Variants in AFG2A observed in about 807,000 individuals in gnomAD.
AFG2A encodes AAA ATPase AFG2A.
the AFG2A span, among the ~76,000 whole-genome samples, chr4:123,271,729 C>T: frequency 1.3e-5 from 2 of 152,082 alleles, no homozygotes; most frequent in African/African-American, 4.8e-5. Flanking sequence ...TGCTTGAGAC[C>T]CATTGTTCAC....
the AFG2A span, among the ~76,000 whole-genome samples, chr4:123,214,844 A>G: frequency 6.6e-6 from 1 of 151,968 alleles, no homozygotes; most frequent in Admixed American, 6.6e-5. Context: ...TCACTTTATT[A>G]TAAGAATACA....
the AFG2A span, among the ~76,000 whole-genome samples, chr4:122,983,855 T>C: frequency 6.6e-6 from 1 of 152,198 alleles, no homozygotes; most frequent in Non-Finnish European, 1.5e-5. Context: ...GTAGACTTGC[T>C]GGGTGGCTAG....
chr4:123,280,217 C>G, the AFG2A span, among the ~76,000 whole-genome samples: 1 of 151,958 alleles, frequency 6.6e-6, no homozygotes, highest in Non-Finnish European at 1.5e-5. Flanking sequence ...AGTAATACTT[C>G]ATTACTATGA....
chr4:123,167,627 G>C, the AFG2A span, among the ~76,000 whole-genome samples: 1 of 152,168 alleles, frequency 6.6e-6, no homozygotes, highest in Non-Finnish European at 1.5e-5. Flanking sequence ...GATTACAGGC[G>C]TGAGCCACTG....
the AFG2A span, among the ~76,000 whole-genome samples, chr4:123,269,947 G>T: frequency 6.6e-6 from 1 of 152,112 alleles, no homozygotes. Flanking sequence ...CTCCGGAGTG[G>T]CTGGGACTAC....
the AFG2A span, chr4:123,256,628 A>G: frequency 1.1e-6 from 1 of 891,234 alleles, no homozygotes; most frequent in Non-Finnish European, 1.3e-6. Flanking sequence ...CAAAGCAAAC[A>G]GATTGTATCA....
the AFG2A span, among the ~76,000 whole-genome samples, chr4:123,076,827 A>G: frequency 3.9e-5 from 6 of 151,978 alleles, no homozygotes; most frequent in South Asian, 2.1e-4. Context: ...TCTACTATCT[A>G]CTGAGCTCAG....
the AFG2A span, among the ~76,000 whole-genome samples, chr4:123,279,497 AG>A: frequency 1.3e-5 from 2 of 152,192 alleles, no homozygotes; most frequent in African/African-American, 4.8e-5. Context: ...TAAATAACTC[AG>A]TTTCTGAAAT....
At chr4:122,960,792 C>T in the AFG2A span, among the ~76,000 whole-genome samples, 1 of 151,848 alleles carries the variant, frequency 6.6e-6, no homozygotes, top group South Asian at 2.1e-4. Flanking sequence ...CTCATTTGTC[C>T]CTCCACCCCC....
At chr4:122,937,292 C>T in the AFG2A span, among the ~76,000 whole-genome samples, 1 of 152,264 alleles carries the variant, frequency 6.6e-6, no homozygotes, top group Non-Finnish European at 1.5e-5. Flanking sequence ...CTCAAGTGAT[C>T]CTCCCCCTGT....
the AFG2A span, among the ~76,000 whole-genome samples, chr4:122,971,722 C>T: frequency 6.6e-6 from 1 of 150,782 alleles, no homozygotes; most frequent in South Asian, 2.1e-4. Context: ...GTATCTATTC[C>T]TAGCTTTTAA....
chr4:122,973,245 A>G, the AFG2A span, among the ~76,000 whole-genome samples: 5 of 152,092 alleles, frequency 3.3e-5, no homozygotes, highest in Non-Finnish European at 7.4e-5. Flanking sequence ...GTATATTTGC[A>G]TAGTATTCCT....
chr4:123,090,473 T>TAGAC, the AFG2A span: 3 of 1,280,076 alleles, frequency 2.3e-6, no homozygotes, highest in Non-Finnish European at 3.2e-6. Context: ...TATTTGAAAA[T>TAGAC]AGACATGATT....
the AFG2A span, among the ~76,000 whole-genome samples, chr4:123,063,375 C>G: frequency 3.9e-5 from 6 of 152,118 alleles, no homozygotes; most frequent in African/African-American, 1.4e-4. Flanking sequence ...TTTAATTCGT[C>G]CAAAGCTATC....
chr4:123,112,022 T>A, the AFG2A span, among the ~76,000 whole-genome samples: 1 of 152,092 alleles, frequency 6.6e-6, no homozygotes, highest in Non-Finnish European at 1.5e-5. Flanking sequence ...CGCACCCAGC[T>A]ATACTTACTA....
the AFG2A span, among the ~76,000 whole-genome samples, chr4:122,944,213 TA>T: frequency 6.6e-6 from 1 of 152,200 alleles, no homozygotes; most frequent in African/African-American, 2.4e-5. Flanking sequence ...TTCTCTTTGA[TA>T]ATATCCTGCA....
the AFG2A span, among the ~76,000 whole-genome samples, chr4:123,014,016 T>G: frequency 6.6e-6 from 1 of 152,200 alleles, no homozygotes; most frequent in South Asian, 2.1e-4. Flanking sequence ...TTATGTAGTA[T>G]TCCATATGAT....
chr4:122,971,420 A>C, the AFG2A span, among the ~76,000 whole-genome samples: 3 of 152,208 alleles, frequency 2.0e-5, no homozygotes, highest in African/African-American at 7.2e-5. Flanking sequence ...AAAACCACAA[A>C]AAACAAAATT....
chr4:123,173,769 A>G, the AFG2A span, among the ~76,000 whole-genome samples: 1 of 152,218 alleles, frequency 6.6e-6, no homozygotes, highest in East Asian at 1.9e-4. Context: ...AAAAAATTAT[A>G]TAATTGTCTA....
Sources: gnomAD v4.1 joint callset for allele counts (sites outside exome capture counted in the v4.1 genomes callset) on GRCh38, gnomAD v4.1.1 for gene constraint, MANE v1.5 for transcripts, NCBI Gene and HGNC (gene_info 2026-07-23, HGNC 2026-07-21) for gene names.